Variants in GATA3 observed in about 807,000 individuals in gnomAD.
GATA3 encodes the protein trans-acting T-cell-specific transcription factor GATA-3.
A neutral mutation model predicts 36.0 loss-of-function variants in GATA3; 6 were observed. The ratio of observed to expected loss-of-function variants is 0.17; its 90% CI spans 0.09 to 0.33. GATA3 has a LOEUF of 0.33. Ranked by LOEUF, GATA3 falls within the 10% of genes least tolerant of loss-of-function variation. The pLI is 1.00. For missense variants in GATA3, 514 were observed against 610.1 expected, an observed-to-expected ratio of 0.84 and a Z score of 1.66; for synonymous variants, 326 against 273.0, an observed-to-expected ratio of 1.19 and a Z score of -1.92.
At position 8,055,173 on chromosome 10, in the gene GATA3, C is replaced by T. The variant is rs1440777119; in HGVS notation, c.-369-114C>T. ...GCCCTGCGGGCTCCGCGGCCGTGTC[C>T]CCGCGCTCCCGTGCGGGTCTCGGGT... On this transcript the variant is annotated intron_variant, in intron 1 of 5. Coordinates refer to ENST00000379328, the MANE Select transcript of GATA3 (RefSeq NM_001002295.2). This position sits in a 1 kb window ranked among gnomAD's most constrained non-coding sequence, Gnocchi z 5.4. 4.3e-6 allele frequency: 1 copy of T among 234,470 alleles called. No homozygotes were observed. Among genetic ancestry groups the T allele is most frequent in the African/African-American group, 2.3e-5 (1 of 43,782 alleles). 14.5% of individuals were successfully genotyped at this position (234,470 alleles called of 1,614,324 possible).
intron 2 of GATA3, among the ~76,000 whole-genome samples, chr10:8,056,387 C>A (rs1245663447): frequency 6.6e-6 from 1 of 152,226 alleles, no homozygotes; most frequent in Non-Finnish European, 1.5e-5. Context: ...GGCCCTCTGC[C>A]AGCGTCCCTC....
In GATA3 at chr10:8,058,579, G is replaced by A. The variant is rs765716079; in HGVS notation, c.516G>A (p.Ser172=). The A allele has an allele frequency of 1.2e-5, 20 of 1,612,034 alleles. No individual in the cohort carries two copies. The highest frequency in any genetic ancestry group is 3.3e-5 in the South Asian group (3 of 91,078). ...SPDPSLSTPG[S]AGSARQDEKE... ...ACCCATCGCTGTCCACCCCAGGCTC[G>A]GCCGGCTCGGCCCGGCAGGACGAGA... Residue 172 remains serine, a synonymous_variant, in exon 3 of 6, where the codon TCG becomes TCA. Coordinates refer to ENST00000379328, the MANE Select transcript of GATA3 (RefSeq NM_001002295.2).
At chr10:8,072,874 C>T (rs755792498) in intron 5 of GATA3, among the ~76,000 whole-genome samples, 7 of 152,106 alleles carry the variant, frequency 4.6e-5, no homozygotes, top group South Asian at 2.1e-4. Context: ...GGGCCAGGCG[C>T]GGTGGCTCAT....
chr10:8,059,091 A>T (rs1221559948), intron 3 of GATA3, among the ~76,000 whole-genome samples: 1 of 152,198 alleles, frequency 6.6e-6, no homozygotes, highest in Non-Finnish European at 1.5e-5. Context: ...AGGAAAAAAG[A>T]CAAACAAAAA....
intron 5 of GATA3, among the ~76,000 whole-genome samples, chr10:8,072,598 A>T (rs1183276629): frequency 6.6e-6 from 1 of 152,200 alleles, no homozygotes; most frequent in Non-Finnish European, 1.5e-5. Context: ...AAGAAGAGAG[A>T]AATGGCAGAT....
chr10:8,069,705 G>A (rs2131512936), intron 5 of GATA3, 107 bp downstream of exon 5: 2 of 1,334,766 alleles, frequency 1.5e-6, no homozygotes, highest in East Asian at 4.9e-5. Flanking sequence ...GGGGGCAGAT[G>A]ACAGGTTCCA....
chr10:8,051,263 GAC>G, upstream of GATA3: 1 of 387,004 alleles, frequency 2.6e-6, no homozygotes. Flanking sequence ...TTCCCAAGAG[GAC>G]ACACATACCC....
intron 4 of GATA3, among the ~76,000 whole-genome samples, chr10:8,066,619 C>G (rs569771600): frequency 6.6e-6 from 1 of 152,252 alleles, no homozygotes; most frequent in East Asian, 1.9e-4. Context: ...GCTAGCTCTT[C>G]TGTGAGATGT....
chr10:8,052,497 C>T (rs539483275), upstream of GATA3: 1 of 152,364 alleles, frequency 6.6e-6, no homozygotes, highest in South Asian at 2.1e-4. Context: ...GGACTTCTCT[C>T]TTCGGCTCTG....
chr10:8,055,431 C>T lies in GATA3; in HGVS notation c.-225C>T, dbSNP rs551025607. 10 of 598,576 alleles carry T rather than the reference C, an allele frequency of 1.7e-5. No individual in the cohort carries two copies. Among genetic ancestry groups the T allele is most frequent in the East Asian group, 2.9e-5 (1 of 35,026 alleles). 37.1% of individuals were successfully genotyped at this position (598,576 alleles called of 1,614,324 possible). On this transcript the variant is annotated 5_prime_UTR_variant, in exon 2 of 6. Transcript: ENST00000379328. This position sits in a 1 kb window ranked among gnomAD's most constrained non-coding sequence, Gnocchi z 5.4. ...TACCCAGTTTTTGGATTTTTGTCTT[C>T]CCCTTCTTCTCTTTGCTAAACGACC... is the stretch of plus-strand genomic sequence containing the variant.
chr10:8,058,664 T>A lies in GATA3; in HGVS notation c.601T>A (p.Ser201Thr). The change falls in exon 3 of 6, where the codon TCC (serine) becomes ACC (threonine). Residue 201 changes from serine (S) to threonine (T), a missense_variant. Transcript: ENST00000379328. ...CAGCATGAAGCTGGAGTCGTCCCAC[T>A]CCCGTGGCAGCATGACCGCCCTGGG... ...PDSMKLESSH[S>T]RGSMTALGGA... 6.2e-7 allele frequency: 1 copy of A among 1,612,942 alleles called. No homozygotes were observed.
upstream of GATA3, chr10:8,052,902 G>GAC (rs963885143): frequency 6.2e-4 from 93 of 150,856 alleles, 5 homozygotes; most frequent in African/African-American, 2.1e-3. Context: ...CGTGGCGGGG[G>GAC]GGGGGGGAGC....
intron 3 of GATA3, among the ~76,000 whole-genome samples, chr10:8,061,837 G>A (rs972947204): frequency 2.0e-5 from 3 of 152,206 alleles, no homozygotes; most frequent in Admixed American, 6.5e-5. Flanking sequence ...CCCAGGAGCC[G>A]GGTGGCAACC....
chr10:8,046,090 G>A (rs1425501527), intron 1 of GATA3, among the ~76,000 whole-genome samples: 1 of 152,148 alleles, frequency 6.6e-6, no homozygotes, highest in Non-Finnish European at 1.5e-5. Flanking sequence ...AGCACCCTGA[G>A]GTGGGTGAGA....
chr10:8,069,679 G>A (rs1832900682), intron 5 of GATA3, 81 bp downstream of exon 5: 1 of 1,518,024 alleles, frequency 6.6e-7, no homozygotes, highest in South Asian at 1.1e-5. Context: ...CCCTCTCCAA[G>A]TGAATCGCTC....
chr10:8,070,960 T>C (rs80145898), intron 5 of GATA3, among the ~76,000 whole-genome samples: 3,285 of 152,300 alleles, frequency 0.022, 120 homozygotes, highest in African/African-American at 0.075. Context: ...ACAGTAGAGA[T>C]AGAGATTCGT....
chr10:8,071,012 A>G (rs1832922711), intron 5 of GATA3, among the ~76,000 whole-genome samples: 1 of 152,238 alleles, frequency 6.6e-6, no homozygotes, highest in Admixed American at 6.5e-5. Flanking sequence ...CTATTAGGTT[A>G]TTAGCATTAG....
intron 4 of GATA3, among the ~76,000 whole-genome samples, 170 bp downstream of exon 4, chr10:8,064,308 CTTCTTTTT>C (rs1832799788): frequency 8.8e-6 from 1 of 114,134 alleles, no homozygotes; most frequent in Non-Finnish European, 1.7e-5. Flanking sequence ...TTTTCTTCTT[CTTCTTTTT>C]TTTTTTTTTT....
intron 4 of GATA3, among the ~76,000 whole-genome samples, chr10:8,068,976 C>T (rs2131510294): frequency 6.6e-6 from 1 of 152,334 alleles, no homozygotes; most frequent in South Asian, 2.1e-4. Context: ...TGGCTTTGCG[C>T]CTCCTTTGCT....
Sources: allele counts gnomAD v4.1 joint callset (sites outside exome capture counted in the v4.1 genomes callset), GRCh38; gene constraint gnomAD v4.1.1; non-coding constraint Gnocchi (gnomAD v3.1); transcripts MANE v1.5; gene names NCBI Gene and HGNC (gene_info 2026-07-23, HGNC 2026-07-21).